The following EIF4G3 variants were observed in gnomAD, a reference collection of about 807,000 sequenced individuals.
The protein encoded by EIF4G3 is eIF-4-gamma 3.
In EIF4G3, 34 loss-of-function variants were observed where a neutral mutation model predicts 186.4. The ratio of observed to expected loss-of-function variants is 0.18; its 90% CI spans 0.14 to 0.24. EIF4G3 has a LOEUF of 0.24. EIF4G3 is among the 10% of genes least tolerant of loss of function. The pLI, the probability that EIF4G3 is intolerant of heterozygous loss-of-function variation, is 1.00. For missense variants in EIF4G3, 1,536 were observed against 1,948.5 expected (o/e 0.79, Z 3.99); for synonymous variants, 673 against 679.5 (o/e 0.99, Z 0.15).
intron 2 of EIF4G3, among the ~76,000 whole-genome samples, chr1:21,132,891 TC>T (rs1454376635): frequency 1.3e-5 from 2 of 152,162 alleles, no homozygotes; most frequent in Non-Finnish European, 2.9e-5. Context: ...CAAGAGATTC[TC>T]CTGCCTCAGC....
intron 2 of EIF4G3, among the ~76,000 whole-genome samples, chr1:21,101,355 G>A (rs1323533356): frequency 2.6e-5 from 4 of 151,828 alleles, no homozygotes; most frequent in Admixed American, 6.6e-5. Context: ...ATCACTTGAG[G>A]TCAGGAGTTC....
intron 4 of EIF4G3, among the ~76,000 whole-genome samples, chr1:21,023,823 T>G (rs1281406611): frequency 3.0e-5 from 4 of 131,202 alleles, no homozygotes; most frequent in African/African-American, 6.4e-5. Flanking sequence ...GAGCGCCTCT[T>G]CCCGGCCGCC....
intron 4 of EIF4G3, among the ~76,000 whole-genome samples, chr1:21,025,120 A>G (rs2091867533): frequency 6.6e-6 from 1 of 152,152 alleles, no homozygotes; most frequent in African/African-American, 2.4e-5. Flanking sequence ...CAAAGACCTG[A>G]AAAACTAGGG....
intron 8 of EIF4G3, among the ~76,000 whole-genome samples, chr1:20,981,496 GTATACGCACATAC>G (rs2077976224): frequency 1.2e-5 from 1 of 85,054 alleles, no homozygotes; most frequent in Non-Finnish European, 3.3e-5. Flanking sequence ...ATACATACAT[GTATACGCACATAC>G]TGTATATATA....
intron 3 of EIF4G3, among the ~76,000 whole-genome samples, chr1:21,080,374 T>A (rs2095735732): frequency 6.6e-6 from 1 of 150,970 alleles, no homozygotes; most frequent in Non-Finnish European, 1.5e-5. Flanking sequence ...TGAAGAGGAA[T>A]TATCTGTAGT....
intron 2 of EIF4G3, among the ~76,000 whole-genome samples, chr1:21,146,500 C>G (rs2097444757): frequency 6.6e-6 from 1 of 152,146 alleles, no homozygotes; most frequent in South Asian, 2.1e-4. Flanking sequence ...GTGGCTCACA[C>G]CTGTAATCCC....
chr1:21,001,049 C>A (rs2083406343), intron 6 of EIF4G3, 150 bp downstream of exon 6: 1 of 369,056 alleles, frequency 2.7e-6, no homozygotes, highest in South Asian at 2.0e-5. Flanking sequence ...CCCCACTATG[C>A]CTGGCAGAAA....
In EIF4G3 at chr1:20,942,079, G is replaced by A. The variant is rs1288974207; in HGVS notation, c.1075C>T (p.Leu359Phe). Reference protein sequence around the residue: ...FTTAIDDRCELSSPREDTIPI... With the variant: ...FTTAIDDRCEFSSPREDTIPI... ...ATTGTGTCTTCTCTTGGGGATGAGA[G>A]TTCACATCTGTCATCTATAGCAGTG... is the stretch of plus-strand genomic sequence containing the variant. Residue 359 changes from leucine (L) to phenylalanine (F), a missense_variant, in exon 14 of 37, where the codon CTC becomes TTC. Transcript: ENST00000602326. 2 of 1,614,170 alleles carry A rather than the reference G, an allele frequency of 1.2e-6. No homozygotes were observed. The highest frequency in any genetic ancestry group is 1.1e-5 in the South Asian group (1 of 91,084).
chr1:20,920,812 T>C (rs1029531111), intron 14 of EIF4G3, among the ~76,000 whole-genome samples: 1 of 152,224 alleles, frequency 6.6e-6, no homozygotes, highest in African/African-American at 2.4e-5. Context: ...TTGGTCACTC[T>C]CTAGAAATAC....
At chr1:20,885,781 C>T (rs545307890) in intron 19 of EIF4G3, among the ~76,000 whole-genome samples, 1 of 152,092 alleles carries the variant, frequency 6.6e-6, no homozygotes, top group South Asian at 2.1e-4. Context: ...AATTTTATTC[C>T]AAAAGGCTTC....
intron 20 of EIF4G3, among the ~76,000 whole-genome samples, chr1:20,866,044 C>T (rs745632894): frequency 7.9e-5 from 12 of 152,180 alleles, no homozygotes; most frequent in Non-Finnish European, 1.3e-4. Context: ...TTACAGATGA[C>T]ATCCCTCTGA....
chr1:20,942,072 G>A lies in EIF4G3; in HGVS notation c.1082C>T (p.Ser361Phe), dbSNP rs1293500454. The A allele has an allele frequency of 4.3e-6, 7 of 1,614,070 alleles. No homozygotes were observed. The highest frequency in any genetic ancestry group is 2.7e-5 in the African/African-American group (2 of 74,920). ...TAIDDRCELS[S>F]PREDTIPIPS... is the part of the protein sequence containing the mutation. ...TATAGGAATTGTGTCTTCTCTTGGG[G>A]ATGAGAGTTCACATCTGTCATCTAT... is the stretch of plus-strand genomic sequence containing the variant. The change falls in exon 14 of 37, where the codon TCC (serine) becomes TTC (phenylalanine). Residue 361 changes from serine (S) to phenylalanine (F), a missense_variant. Ser to Phe is a radical substitution (Grantham distance 155, BLOSUM62 -2). This residue lies in a region of EIF4G3 where 560 missense variants were observed against 547.8 expected (regional missense o/e 1.02). Coordinates refer to ENST00000602326, the MANE Select transcript of EIF4G3 (RefSeq NM_001391906.1).
chr1:20,973,574 T>C (rs1051926006), intron 10 of EIF4G3, among the ~76,000 whole-genome samples: 1 of 152,106 alleles, frequency 6.6e-6, no homozygotes. Context: ...ACTACTGCCA[T>C]AGGGAGGTAC....
intron 3 of EIF4G3, among the ~76,000 whole-genome samples, chr1:21,058,374 A>G (rs1278957977): frequency 6.6e-6 from 1 of 152,202 alleles, no homozygotes; most frequent in African/African-American, 2.4e-5. Context: ...AAGAGTAACC[A>G]AAAATAAGGC....
At chr1:20,831,275 T>A (rs542090768) in intron 30 of EIF4G3, among the ~76,000 whole-genome samples, 1 of 92,498 alleles carries the variant, frequency 1.1e-5, no homozygotes, top group African/African-American at 3.4e-5. Context: ...AAGAAAAATA[T>A]TAATTTTTTT....
At chr1:20,990,326 A>T (rs2080796668) in intron 7 of EIF4G3, among the ~76,000 whole-genome samples, 1 of 152,136 alleles carries the variant, frequency 6.6e-6, no homozygotes, top group Non-Finnish European at 1.5e-5. Context: ...CACCAGCAAA[A>T]AGATTACAAC....
chr1:21,036,404 C>T (rs1167941247), intron 4 of EIF4G3, among the ~76,000 whole-genome samples: 1 of 152,150 alleles, frequency 6.6e-6, no homozygotes, highest in Non-Finnish European at 1.5e-5. Context: ...AAAGGTGCCA[C>T]AGGCCACAGA....
chr1:20,888,646 T>C (rs762293301), intron 18 of EIF4G3, among the ~76,000 whole-genome samples: 3 of 152,138 alleles, frequency 2.0e-5, no homozygotes, highest in South Asian at 2.1e-4. Context: ...CTTAGTTTTG[T>C]TGTTTTCTCA....
chr1:20,858,669 T>C (rs2075642013), intron 24 of EIF4G3, among the ~76,000 whole-genome samples: 1 of 152,150 alleles, frequency 6.6e-6, no homozygotes, highest in East Asian at 1.9e-4. Flanking sequence ...GGAAGGGACT[T>C]TGAGTGCCTT....
Sources: allele counts gnomAD v4.1 joint callset (sites outside exome capture counted in the v4.1 genomes callset), GRCh38; gene constraint gnomAD v4.1.1; regional missense constraint gnomAD v4.1.1; transcripts MANE v1.5; gene names NCBI Gene and HGNC (gene_info 2026-07-23, HGNC 2026-07-21).